DNAJC3: variants seen among roughly 807,000 people sequenced by gnomAD.
DNAJC3 encodes the protein DnaJ heat shock protein family (Hsp40) member C3, also known as dnaJ homolog subfamily C member 3.
In DNAJC3, 38 loss-of-function variants were observed where a neutral mutation model predicts 68.6. The observed-to-expected ratio is 0.55, with a 90% CI of 0.43 to 0.73. The LOEUF is 0.73. DNAJC3 is among the 30% of genes least tolerant of loss of function. The pLI is 0.00. For missense variants in DNAJC3, 526 were observed against 591.9 expected (o/e 0.89, Z 1.16); for synonymous variants, 203 against 204.0 (o/e 1.00, Z 0.04).
intron 9 of DNAJC3, among the ~76,000 whole-genome samples, chr13:95,778,974 A>G (rs765968258): frequency 6.6e-6 from 1 of 152,142 alleles, no homozygotes; most frequent in Non-Finnish European, 1.5e-5. Flanking sequence ...ATACATCTAG[A>G]GCCAATATAA....
chr13:95,718,442 C>T (rs922228440), intron 2 of DNAJC3, among the ~76,000 whole-genome samples: 1 of 152,236 alleles, frequency 6.6e-6, no homozygotes. Context: ...CGCAGTGTCA[C>T]CCATGCTGGA....
At position 95,757,651 on chromosome 13, in the gene DNAJC3, C is replaced by A; in HGVS notation, c.401C>A (p.Ser134Tyr). Residue 134 changes from serine to tyrosine, a missense_variant, in exon 5 of 12, where the codon TCT (serine) becomes TAT (tyrosine). Transcript: ENST00000602402. ...TTTTTATTTTCCTTATAGCTCAAAT[C>A]TAATCCAAGTGAAAATGAAGAAAAG... ...AEDDFKKVLK[S>Y]NPSENEEKEA... The A allele has an allele frequency of 6.4e-7, 1 of 1,563,104 alleles. No individual in the cohort carries two copies.
At chr13:95,683,696 G>T (rs537786396) in intron 1 of DNAJC3, among the ~76,000 whole-genome samples, 20 of 151,972 alleles carry the variant, frequency 1.3e-4, no homozygotes, top group African/African-American at 4.4e-4. Flanking sequence ...GGAGGCCGAG[G>T]TGGATGGATC....
chr13:95,787,046 A>G lies in DNAJC3; in HGVS notation c.1248A>G (p.Lys416=). 1 of 1,612,458 alleles carries G rather than the reference A, an allele frequency of 6.2e-7. No individual in the cohort carries two copies. Among genetic ancestry groups the G allele is most frequent in the Non-Finnish European group, 8.5e-7 (1 of 1,179,608 alleles). The change falls in exon 11 of 12, where the codon AAA becomes AAG. Residue 416 remains lysine (K), a synonymous_variant. Coordinates refer to ENST00000602402, the MANE Select transcript of DNAJC3 (RefSeq NM_006260.5). The part of the protein sequence containing the change: ...KKQEIIKAYR[K]LALQWHPDNF... ...AAGAAATTATTAAAGCATACCGAAA[A>G]TTAGCACTGCAGTGGCACCCAGATA...
At chr13:95,700,367 T>G (rs184803638) in intron 1 of DNAJC3, among the ~76,000 whole-genome samples, 11 of 152,326 alleles carry the variant, frequency 7.2e-5, no homozygotes, top group Admixed American at 5.9e-4. Flanking sequence ...TCAAGTAATA[T>G]GCCAAAAAAT....
intron 4 of DNAJC3, among the ~76,000 whole-genome samples, chr13:95,750,524 T>G (rs1882443324): frequency 6.6e-6 from 1 of 152,012 alleles, no homozygotes; most frequent in Admixed American, 6.6e-5. Context: ...TTTTTTTTTT[T>G]TTTGAGATGG....
intron 1 of DNAJC3, among the ~76,000 whole-genome samples, chr13:95,688,205 A>G (rs1403134312): frequency 2.0e-5 from 3 of 152,154 alleles, no homozygotes; most frequent in Admixed American, 6.5e-5. Context: ...TTTTAGGTAT[A>G]GAATCATATA....
At chr13:95,742,788 T>A (rs1882188019) in intron 4 of DNAJC3, 1 of 518,918 alleles carries the variant, frequency 1.9e-6, no homozygotes, top group Non-Finnish European at 3.8e-6. Flanking sequence ...TTGATGAAGT[T>A]CAATTTGTTG....
chr13:95,763,995 T>C (rs1458433994), intron 9 of DNAJC3, 42 bp downstream of exon 9: 2 of 1,595,494 alleles, frequency 1.3e-6, no homozygotes, highest in Non-Finnish European at 1.7e-6. Flanking sequence ...GAAGTGTTGA[T>C]TAGGAAATTA....
chr13:95,754,754 C>T (rs923043748), intron 4 of DNAJC3, among the ~76,000 whole-genome samples: 2 of 152,104 alleles, frequency 1.3e-5, no homozygotes, highest in Admixed American at 6.6e-5. Context: ...GCATGAATAC[C>T]ATGAGGCGAG....
intron 1 of DNAJC3, among the ~76,000 whole-genome samples, chr13:95,680,260 A>G (rs1879877718): frequency 6.6e-6 from 1 of 152,136 alleles, no homozygotes. Flanking sequence ...CTTCCTTAAC[A>G]TGCTATCTGG....
At chr13:95,691,528 A>G (rs1285313866) in intron 1 of DNAJC3, among the ~76,000 whole-genome samples, 2 of 146,800 alleles carry the variant, frequency 1.4e-5, no homozygotes, top group East Asian at 4.1e-4. Flanking sequence ...CTCACTTCCT[A>G]GATGGGATGG....
intron 1 of DNAJC3, among the ~76,000 whole-genome samples, chr13:95,685,597 G>A (rs960955458): frequency 7.2e-5 from 11 of 152,056 alleles, no homozygotes; most frequent in Non-Finnish European, 5.9e-5. Flanking sequence ...GAGCTGGGGC[G>A]GAATGATATG....
chr13:95,725,691 T>TA (rs1881486934), intron 4 of DNAJC3, among the ~76,000 whole-genome samples: 1 of 151,830 alleles, frequency 6.6e-6, no homozygotes, highest in African/African-American at 2.4e-5. Flanking sequence ...ATTATTATTA[T>TA]ACTTTAAGTT....
intron 2 of DNAJC3, among the ~76,000 whole-genome samples, chr13:95,710,918 G>A (rs1486288437): frequency 1.3e-5 from 2 of 151,994 alleles, no homozygotes; most frequent in African/African-American, 4.8e-5. Flanking sequence ...TCAAACTCTT[G>A]TTCTCAAGCC....
At chr13:95,786,462 T>C (rs1212900026) in intron 10 of DNAJC3, among the ~76,000 whole-genome samples, 1 of 152,190 alleles carries the variant, frequency 6.6e-6, no homozygotes, top group East Asian at 1.9e-4. Flanking sequence ...GAATTAAGTC[T>C]GAAATTAAGA....
intron 1 of DNAJC3, among the ~76,000 whole-genome samples, chr13:95,679,728 C>T (rs1450309593): frequency 1.3e-5 from 2 of 152,276 alleles, no homozygotes; most frequent in East Asian, 3.9e-4. Context: ...TAATCTGCTT[C>T]ACTCTTATTA....
Position 95,723,355 on chromosome 13 carries a change from G to A in DNAJC3, c.307G>A (p.Asp103Asn), listed in dbSNP as rs754408093. 1 of 1,611,598 alleles carries A rather than the reference G, an allele frequency of 6.2e-7. No individual in the cohort carries two copies. The highest frequency in any genetic ancestry group is 8.5e-7 in the Non-Finnish European group (1 of 1,178,636). ...AACTAAAGTGATTCAATTGAAGATG[G>A]ACTTCACTGCAGTAAGTATATCTCA... ...DLTKVIQLKM[D>N]FTAARLQRGH... The change falls in exon 3 of 12, where the codon GAC (aspartate) becomes AAC (asparagine). Residue 103 changes from aspartate to asparagine, a missense_variant. Asp to Asn is a conservative substitution (Grantham distance 23). Coordinates refer to ENST00000602402, the MANE Select transcript of DNAJC3 (RefSeq NM_006260.5).
chr13:95,732,497 T>C (rs1881745243), intron 4 of DNAJC3, among the ~76,000 whole-genome samples: 1 of 152,186 alleles, frequency 6.6e-6, no homozygotes, highest in African/African-American at 2.4e-5. Flanking sequence ...GATTTTTTTA[T>C]ATTTCTTGGG....
Sources: allele counts gnomAD v4.1 joint callset (sites outside exome capture counted in the v4.1 genomes callset), GRCh38; gene constraint gnomAD v4.1.1; transcripts MANE v1.5; gene names NCBI Gene and HGNC (gene_info 2026-07-23, HGNC 2026-07-21).